Variants in PCDHGB6 observed in about 807,000 individuals in gnomAD.
PCDHGB6 encodes protocadherin gamma-B6.
A neutral mutation model predicts 59.1 loss-of-function variants in PCDHGB6; 51 were observed. The observed-to-expected ratio is 0.86, with a 90% CI of 0.69 to 1.09. The LOEUF is 1.09. Among genes scored for constraint, PCDHGB6 ranks in the 50% least tolerant of loss-of-function variants. PCDHGB6 has a pLI of 0.00. For missense variants in PCDHGB6, 1,148 were observed against 1,205.1 expected, an observed-to-expected ratio of 0.95 and a Z score of 0.70; for synonymous variants, 466 against 495.1, an observed-to-expected ratio of 0.94 and a Z score of 0.78.
At chr5:141,488,691 G>A (rs1443084778) in intron 1 of PCDHGB6, among the ~76,000 whole-genome samples, 2 of 152,192 alleles carry the variant, frequency 1.3e-5, no homozygotes, top group Non-Finnish European at 2.9e-5. Flanking sequence ...CTCCCAGAAG[G>A]ACAAGATTTT....
In PCDHGB6 at chr5:141,410,139, T is replaced by C. The variant is rs73279096; in HGVS notation, c.1937T>C (p.Val646Ala). ...DAARQRLLVA[V>A]RDGGQPPLSA... ...GCCCGCCAGCGCCTGCTGGTCGCTG[T>C]GCGTGACGGTGGACAGCCGCCACTC... Residue 646 changes from valine (V) to alanine (A), a missense_variant, in exon 1 of 4, where the codon GTG becomes GCG. Physicochemically the swap from Val to Ala is moderately conservative, Grantham distance 64. Coordinates refer to ENST00000520790, the MANE Select transcript of PCDHGB6 (RefSeq NM_018926.3). The C allele has an allele frequency of 1.6e-4, 252 of 1,612,722 alleles. No individual in the cohort carries two copies. In the African/African-American group the frequency reaches 3.0e-3, roughly 19 times the overall value.
chr5:141,435,073 G>A (rs535689336), intron 1 of PCDHGB6, among the ~76,000 whole-genome samples: 150 of 151,756 alleles, frequency 9.9e-4, no homozygotes, highest in Middle Eastern at 3.4e-3. Flanking sequence ...TGTGTAGACC[G>A]TCTGATAACA....
At chr5:141,443,166 C>G (rs914863821) in intron 1 of PCDHGB6, among the ~76,000 whole-genome samples, 1 of 152,124 alleles carries the variant, frequency 6.6e-6, no homozygotes, top group African/African-American at 2.4e-5. Flanking sequence ...ATTTCCCTAC[C>G]CATGTCCACT....
intron 1 of PCDHGB6, among the ~76,000 whole-genome samples, chr5:141,454,379 T>A (rs770736083): frequency 1.2e-3 from 179 of 152,316 alleles, no homozygotes; most frequent in Non-Finnish European, 2.1e-3. Flanking sequence ...TGGCAACTTG[T>A]CAAGATGAAG....
intron 1 of PCDHGB6, chr5:141,428,599 A>G (rs1324155257): frequency 8.9e-6 from 2 of 223,902 alleles, no homozygotes; most frequent in Non-Finnish European, 1.8e-5. Context: ...AGCAAGCTTC[A>G]CTGAAGAGAA....
intron 1 of PCDHGB6, chr5:141,423,928 G>C: frequency 8.1e-7 from 1 of 1,236,850 alleles, no homozygotes; most frequent in Non-Finnish European, 1.0e-6. Flanking sequence ...ATGCTGGTTT[G>C]GTTTGAAGTA....
At position 141,431,965 on chromosome 5, in the gene PCDHGB6, T is replaced by G. The variant is rs765281339; in HGVS notation, c.2418+21345T>G. ...TAGAAAAATCTTACGGAAATTACTATAGTTTAGTCACAGACATAGTCTTGG... is the reference window on the plus strand; with the variant it reads ...TAGAAAAATCTTACGGAAATTACTAGAGTTTAGTCACAGACATAGTCTTGG... On this transcript the variant is annotated intron_variant, in intron 1 of 3. Coordinates refer to ENST00000520790, the MANE Select transcript of PCDHGB6 (RefSeq NM_018926.3). This position sits in a 1 kb window ranked among gnomAD's most constrained non-coding sequence, Gnocchi z 4.8. The G allele has an allele frequency of 1.2e-6, 2 of 1,614,216 alleles. No individual in the cohort carries two copies. Among genetic ancestry groups the G allele is most frequent in the East Asian group, 4.5e-5 (2 of 44,892 alleles).
At position 141,409,648 on chromosome 5, in the gene PCDHGB6, G is replaced by A; in HGVS notation, c.1446G>A (p.Gly482=). The change falls in exon 1 of 4, where the codon GGG becomes GGA. Residue 482 remains glycine, a synonymous_variant. Transcript: ENST00000520790. ...TGAGCGCCTCTGACCCGGATTTGGG[G>A]CTCAATGGCCACATCTCCTACTCTA... ...AQVSASDPDL[G]LNGHISYSIV... The A allele has an allele frequency of 1.2e-6, 2 of 1,613,692 alleles. No individual in the cohort carries two copies. Among genetic ancestry groups the A allele is most frequent in the East Asian group, 4.5e-5 (2 of 44,886 alleles).
At chr5:141,447,370 C>A (rs2098536615) in intron 1 of PCDHGB6, among the ~76,000 whole-genome samples, 1 of 151,612 alleles carries the variant, frequency 6.6e-6, no homozygotes, top group African/African-American at 2.4e-5. Context: ...AACTCCTGAC[C>A]CTGGTGATCT....
Position 141,477,554 on chromosome 5 carries a change from A to T in PCDHGB6, c.2419-17253A>T. The T allele has an allele frequency of 6.2e-7, 1 of 1,614,112 alleles. No homozygotes were observed. Among genetic ancestry groups the T allele is most frequent in the South Asian group, 1.1e-5 (1 of 91,086 alleles). Reference sequence around the variant, plus strand: ...CCCCGGGGCTCCAATACTAAACCTAAGTGTCTGGGACCCCGACGCCCCGCA... The same window carrying T: ...CCCCGGGGCTCCAATACTAAACCTATGTGTCTGGGACCCCGACGCCCCGCA... On this transcript the variant is annotated intron_variant, in intron 1 of 3. Transcript: ENST00000520790. This position sits in a 1 kb window ranked among gnomAD's most constrained non-coding sequence, Gnocchi z 4.9.
chr5:141,433,460 T>C (rs892333304), intron 1 of PCDHGB6, among the ~76,000 whole-genome samples: 1 of 152,064 alleles, frequency 6.6e-6, no homozygotes, highest in Non-Finnish European at 1.5e-5. Context: ...GATCTGAAAC[T>C]TGGGCTCAGG....
intron 1 of PCDHGB6, among the ~76,000 whole-genome samples, chr5:141,492,118 TC>T (rs1338861093): frequency 6.6e-6 from 1 of 152,176 alleles, no homozygotes; most frequent in Non-Finnish European, 1.5e-5. Flanking sequence ...CTTCGATTTC[TC>T]CCCAGCTCCC....
intron 1 of PCDHGB6, among the ~76,000 whole-genome samples, chr5:141,473,017 AGAAG>A (rs1484773075): frequency 7.0e-4 from 107 of 151,874 alleles, no homozygotes; most frequent in Middle Eastern, 3.4e-3. Flanking sequence ...AGAAAAAGAA[AGAAG>A]GAAGGAAGGA....
At chr5:141,426,919 C>A (rs1220443930) in intron 1 of PCDHGB6, 3 of 456,620 alleles carry the variant, frequency 6.6e-6, no homozygotes, top group African/African-American at 6.0e-5. Context: ...GTCCTGGAAG[C>A]AATGGACATG....
chr5:141,422,140 C>T (rs1275997338), intron 1 of PCDHGB6: 15 of 1,586,774 alleles, frequency 9.5e-6, no homozygotes, highest in Non-Finnish European at 1.3e-5. Flanking sequence ...AGTTCAAGTA[C>T]GGGGGTCTCT....
At chr5:141,417,851 G>A (rs1196210157) in intron 1 of PCDHGB6, 1 of 1,543,512 alleles carries the variant, frequency 6.5e-7, no homozygotes, top group Non-Finnish European at 8.8e-7. Flanking sequence ...GCGAGAACCC[G>A]AGCGAACGAT....
At chr5:141,497,223 T>G (rs921763195) in intron 2 of PCDHGB6, among the ~76,000 whole-genome samples, 14 of 151,762 alleles carry the variant, frequency 9.2e-5, no homozygotes, top group African/African-American at 3.4e-4. Context: ...GGGGGGAAGA[T>G]CAGAGAAGGC....
chr5:141,421,231 G>T (rs1368484504), intron 1 of PCDHGB6: 1 of 1,590,694 alleles, frequency 6.3e-7, no homozygotes, highest in South Asian at 1.1e-5. Context: ...GCCTGCCATG[G>T]CGAATCGGCT....
At chr5:141,437,445 T>C (rs187869679) in intron 1 of PCDHGB6, among the ~76,000 whole-genome samples, 1 of 152,348 alleles carries the variant, frequency 6.6e-6, no homozygotes, top group East Asian at 1.9e-4. Flanking sequence ...CATAGGAATG[T>C]TGAGGAGACT....
Sources: gnomAD v4.1 joint callset for allele counts (sites outside exome capture counted in the v4.1 genomes callset) on GRCh38, gnomAD v4.1.1 for gene constraint, Gnocchi (gnomAD v3.1) non-coding constraint, MANE v1.5 for transcripts, NCBI Gene and HGNC (gene_info 2026-07-23, HGNC 2026-07-21) for gene names.